Variants in VPS53 observed in about 807,000 individuals in gnomAD.
The protein encoded by VPS53 is vacuolar protein sorting-associated protein 53 homolog.
In VPS53, 70 loss-of-function variants were observed where a neutral mutation model predicts 107.0. The ratio of observed to expected loss-of-function variants is 0.65; its 90% CI spans 0.54 to 0.80. The LOEUF (loss-of-function observed/expected upper bound fraction) is 0.80. Ranked by LOEUF, VPS53 falls within the 30% of genes least tolerant of loss-of-function variation. VPS53 has a pLI of 0.00. For synonymous variants in VPS53, 409 were observed against 393.3 expected, an observed-to-expected ratio of 1.04 and a Z score of -0.47; for missense variants, 917 against 1,049.4, an observed-to-expected ratio of 0.87 and a Z score of 1.74.
chr17:642,400 A>C (rs1170803346), intron 7 of VPS53, among the ~76,000 whole-genome samples: 2 of 151,358 alleles, frequency 1.3e-5, no homozygotes, highest in African/African-American at 4.9e-5. Context: ...CATACTCGGA[A>C]ACCGAGGACA....
At chr17:556,342 A>G (rs1157148772) in intron 15 of VPS53, among the ~76,000 whole-genome samples, 1 of 152,224 alleles carries the variant, frequency 6.6e-6, no homozygotes, top group Non-Finnish European at 1.5e-5. Flanking sequence ...CACCAATAAT[A>G]CATCATTATT....
In VPS53 at chr17:536,868, A is replaced by C. The variant is rs11653961; in HGVS notation, c.2015+160T>G. 0.54 allele frequency: 428,336 copies of C among 793,796 alleles called. 124,141 individuals carry two copies. The highest frequency in any genetic ancestry group is 0.89 in the African/African-American group (50,987 of 57,448). The allele number at this position is 793,796 out of a possible 1,614,324, so 49.2% of individuals were successfully genotyped here. A position where few individuals can be genotyped will look rare whatever the true frequency, so the allele number is the denominator to read the frequency against. On this transcript the variant is annotated intron_variant, in intron 18 of 21. Coordinates refer to ENST00000437048, the MANE Select transcript of VPS53 (RefSeq NM_001128159.3). ...CGAATGTGCCACTTTGTGTGTGGGG[A>C]GGTGTCGGTAATGGGAAGACTGTGC...
chr17:680,051 T>C (rs571459798), intron 4 of VPS53, among the ~76,000 whole-genome samples: 97 of 152,276 alleles, frequency 6.4e-4, no homozygotes, highest in Non-Finnish European at 1.1e-3. Flanking sequence ...CCCAGCACTT[T>C]GGGAGGCCGA....
At chr17:604,095 T>A (rs1332010417) in intron 11 of VPS53, among the ~76,000 whole-genome samples, 1 of 152,182 alleles carries the variant, frequency 6.6e-6, no homozygotes, top group Non-Finnish European at 1.5e-5. Context: ...ATGCCCCTCA[T>A]CTATTGCTAA....
intron 18 of VPS53, 191 bp from the exon 19 acceptor site, chr17:533,102 T>C: frequency 2.0e-6 from 2 of 1,016,980 alleles, no homozygotes; most frequent in East Asian, 2.7e-5. Context: ...CATGAGGCCC[T>C]GGCAGGCCCG....
chr17:567,149 T>G (rs571977329), intron 13 of VPS53, among the ~76,000 whole-genome samples: 5 of 152,334 alleles, frequency 3.3e-5, no homozygotes, highest in African/African-American at 1.2e-4. Flanking sequence ...CTTACTTACT[T>G]GCTTCCTATT....
In VPS53 at chr17:520,042, G is replaced by A. The variant is rs1337433441; in HGVS notation, c.2224-112C>T. The A allele has an allele frequency of 2.1e-5, 15 of 702,234 alleles. No homozygotes were observed. Among genetic ancestry groups the A allele is most frequent in the South Asian group, 7.1e-5 (4 of 56,382 alleles). The allele number at this position is 702,234 out of a possible 1,614,324, so 43.5% of individuals were successfully genotyped here. ...ACCCACCGCAGGAGGAGACGGGAGC[G>A]GGCCCTTCAGGAAAACTCACTCCTC... On this transcript the variant is annotated intron_variant, in intron 20 of 21. Coordinates refer to ENST00000437048, the MANE Select transcript of VPS53 (RefSeq NM_001128159.3). This position sits in a 1 kb window ranked among gnomAD's most constrained non-coding sequence, Gnocchi z 4.4.
intron 12 of VPS53, chr17:601,051 C>G (rs2143008030): frequency 6.6e-6 from 1 of 152,326 alleles, no homozygotes; most frequent in South Asian, 2.1e-4. Flanking sequence ...AGCTGGTCCT[C>G]CCAGCCAGCC....
At chr17:636,380 CCT>C in intron 7 of VPS53, among the ~76,000 whole-genome samples, 1 of 152,320 alleles carries the variant, frequency 6.6e-6, no homozygotes, top group African/African-American at 2.4e-5. Context: ...AATTTGACTT[CCT>C]CTTTTCCTAA....
Position 707,725 on chromosome 17 carries a change from G to A in VPS53, c.168+2808C>T, listed in dbSNP as rs780452745. ...AACTTAGCTGTGTGTGGTGGCATGC[G>A]CCTGTAGTCGCAGCTACTCAGAAGG... On this transcript the variant is annotated intron_variant, in intron 2 of 21. Coordinates refer to ENST00000437048, the MANE Select transcript of VPS53 (RefSeq NM_001128159.3). Among the ~76,000 whole-genome samples, 7 of 151,672 alleles carry A rather than the reference G, an allele frequency of 4.6e-5. No individual in the cohort carries two copies. The East Asian group carries it at 9.7e-4, about 21-fold the overall frequency.
At chr17:687,715 G>A (rs1215538272) in intron 4 of VPS53, among the ~76,000 whole-genome samples, 1 of 152,132 alleles carries the variant, frequency 6.6e-6, no homozygotes, top group Non-Finnish European at 1.5e-5. Context: ...TCTAGCCTGG[G>A]CAACAAAGTA....
chr17:541,525 A>G (rs1027661451), intron 17 of VPS53, among the ~76,000 whole-genome samples: 1 of 152,160 alleles, frequency 6.6e-6, no homozygotes, highest in Non-Finnish European at 1.5e-5. Context: ...TACGCACTGA[A>G]GGAATGTTTA....
chr17:696,204 G>A (rs1173334058), intron 4 of VPS53, among the ~76,000 whole-genome samples: 1 of 152,132 alleles, frequency 6.6e-6, no homozygotes, highest in African/African-American at 2.4e-5. Context: ...GCTATCAAAT[G>A]GAAAGTGACT....
At chr17:589,891 T>C (rs534374884) in intron 12 of VPS53, among the ~76,000 whole-genome samples, 1 of 152,192 alleles carries the variant, frequency 6.6e-6, no homozygotes, top group East Asian at 1.9e-4. Context: ...AACTTTAAAG[T>C]AGTTTTTTCC....
At chr17:602,107 C>A (rs1394824292) in intron 11 of VPS53, among the ~76,000 whole-genome samples, 2 of 152,210 alleles carry the variant, frequency 1.3e-5, no homozygotes, top group African/African-American at 2.4e-5. Context: ...CGCCCCAACT[C>A]GAATCTGGCT....
chr17:669,487 G>A (rs570541888), intron 4 of VPS53, among the ~76,000 whole-genome samples: 6 of 151,696 alleles, frequency 4.0e-5, no homozygotes, highest in East Asian at 3.9e-4. Flanking sequence ...CAGCTACTCC[G>A]GAGGCTGAGG....
At chr17:706,535 CAAAAAAA>C (rs1282036208) in intron 2 of VPS53, among the ~76,000 whole-genome samples, 2 of 66,260 alleles carry the variant, frequency 3.0e-5, no homozygotes, top group South Asian at 4.6e-4. Context: ...GACTCAGTCT[CAAAAAAA>C]AAAAAAAAAA....
intron 12 of VPS53, among the ~76,000 whole-genome samples, chr17:590,187 T>C (rs887785676): frequency 5.9e-5 from 9 of 151,888 alleles, no homozygotes; most frequent in Non-Finnish European, 1.0e-4. Flanking sequence ...TTGTCTGTTG[T>C]TGGTGTATAA....
rs1237794403 is a variant in VPS53, at chr17:515,045, G to C, written c.*4083C>G. The C allele has an allele frequency of 1.3e-5, 2 of 152,160 alleles. No homozygotes were observed. The highest frequency in any genetic ancestry group is 1.3e-4 in the Admixed American group (2 of 15,266). 9.4% of individuals were successfully genotyped at this position (152,160 alleles called of 1,614,324 possible). On this transcript the variant is annotated 3_prime_UTR_variant, in exon 22 of 22. Coordinates refer to ENST00000437048, the MANE Select transcript of VPS53 (RefSeq NM_001128159.3). ...GCTTTCAGACAAGTCCCCTCAGTAA[G>C]AGCAGAGTGAACTCTTTATTGATTA...
Sources: gnomAD v4.1 joint callset for allele counts (sites outside exome capture counted in the v4.1 genomes callset) on GRCh38, gnomAD v4.1.1 for gene constraint, Gnocchi (gnomAD v3.1) non-coding constraint, MANE v1.5 for transcripts, NCBI Gene and HGNC (gene_info 2026-07-23, HGNC 2026-07-21) for gene names.